EML6: variants seen among roughly 807,000 people sequenced by gnomAD.
EML6 encodes EMAP like 6.
EML6 carries 154 observed loss-of-function variants against 240.1 expected under a neutral mutation model. The ratio of observed to expected loss-of-function variants is 0.64; its 90% CI spans 0.56 to 0.73. The LOEUF (loss-of-function observed/expected upper bound fraction) is 0.73, where lower values mean the gene tolerates loss of function less well. Among genes scored for constraint, EML6 ranks in the 30% least tolerant of loss-of-function variants. EML6 has a pLI of 0.00. For missense variants in EML6, 2,964 were observed against 2,474.6 expected (o/e 1.20, Z -4.20); for synonymous variants, 1,148 against 899.0 (o/e 1.28, Z -4.95).
At chr2:54,787,302 G>T (rs918789551) in intron 2 of EML6, among the ~76,000 whole-genome samples, 2 of 152,068 alleles carry the variant, frequency 1.3e-5, no homozygotes, top group Non-Finnish European at 2.9e-5. Context: ...GGTTGGGGGG[G>T]GGTCTTTGTG....
Position 54,823,868 on chromosome 2 carries a change from C to CTCTCTCTCTCTCTCTCTCTCTCTT in EML6, c.525+3415_525+3416insCTCTCTCTCTCTCTTTCTCTCTCT, listed in dbSNP as rs1376831009. Among the ~76,000 whole-genome samples, 1,337 of 148,182 alleles carry CTCTCTCTCTCTCTCTCTCTCTCTT rather than the reference C, an allele frequency of 9.0e-3. 39 individuals carry two copies. The highest frequency in any genetic ancestry group is 0.032 in the African/African-American group (1,236 of 38,680). On this transcript the variant is annotated intron_variant, in intron 5 of 41. Coordinates refer to ENST00000356458, the MANE Select transcript of EML6 (RefSeq NM_001039753.4). The stretch of plus-strand genomic sequence containing the variant: ...TCATTCATTCTCTCTCTCTCTCTCT[C>CTCTCTCTCTCTCTCTCTCTCTCTT]TCTCTCTCTTTCTGTCTCTCTCTCT...
chr2:54,800,936 A>G (rs1201116169), intron 2 of EML6, among the ~76,000 whole-genome samples: 1 of 152,162 alleles, frequency 6.6e-6, no homozygotes, highest in Admixed American at 6.5e-5. Flanking sequence ...CAATTTCATT[A>G]GGGGTCAAGG....
At chr2:54,901,669 C>A (rs1275395225) in intron 22 of EML6, among the ~76,000 whole-genome samples, 1 of 152,208 alleles carries the variant, frequency 6.6e-6, no homozygotes, top group African/African-American at 2.4e-5. Flanking sequence ...CAAGGGCAGG[C>A]TTGTATTTTC....
intron 2 of EML6, among the ~76,000 whole-genome samples, chr2:54,796,904 G>T (rs1669813287): frequency 6.6e-6 from 1 of 151,858 alleles, no homozygotes; most frequent in African/African-American, 2.4e-5. Flanking sequence ...CTTTAAAAAG[G>T]TAAGCTCTGC....
chr2:54,855,814 C>T (rs1670344953), intron 11 of EML6, among the ~76,000 whole-genome samples: 1 of 152,096 alleles, frequency 6.6e-6, no homozygotes. Context: ...GCCAAAACTA[C>T]TGGTGGGGAA....
intron 26 of EML6, among the ~76,000 whole-genome samples, chr2:54,927,987 T>G (rs1674646805): frequency 6.6e-6 from 1 of 152,214 alleles, no homozygotes; most frequent in South Asian, 2.1e-4. Context: ...GAGTTTACAC[T>G]AGAGACCTGT....
chr2:54,940,647 T>C (rs1296248304), intron 28 of EML6, among the ~76,000 whole-genome samples: 1 of 152,220 alleles, frequency 6.6e-6, no homozygotes, highest in African/African-American at 2.4e-5. Context: ...TAATCTGTCT[T>C]CAAGATGCTG....
Position 54,825,189 on chromosome 2 carries a change from T to C in EML6, c.526-2377T>C, listed in dbSNP as rs1266585634. The stretch of plus-strand genomic sequence containing the variant: ...CCAAAGTTAAAGGACAAAATAATTA[T>C]TTTAATCTTCATGCATGAGGAGGTG... On this transcript the variant is annotated intron_variant, in intron 5 of 41. Coordinates refer to ENST00000356458, the MANE Select transcript of EML6 (RefSeq NM_001039753.4). 2.0e-5 allele frequency among the ~76,000 whole-genome samples: 3 copies of C among 152,206 alleles called. No homozygotes were observed. The East Asian group carries it at 5.8e-4, about 29-fold the overall frequency.
chr2:54,883,963 G>A (rs746441784), intron 17 of EML6, among the ~76,000 whole-genome samples: 1 of 152,134 alleles, frequency 6.6e-6, no homozygotes, highest in Admixed American at 6.6e-5. Flanking sequence ...TGCTTTTTCC[G>A]TTTTCTCACT....
chr2:54,853,193 G>A (rs937705884), intron 10 of EML6, among the ~76,000 whole-genome samples: 1 of 152,062 alleles, frequency 6.6e-6, no homozygotes, highest in Non-Finnish European at 1.5e-5. Context: ...CTGGCAAAGC[G>A]TTGGTGACTA....
At chr2:54,755,664 T>A (rs1366829160) in intron 2 of EML6, among the ~76,000 whole-genome samples, 1 of 152,138 alleles carries the variant, frequency 6.6e-6, no homozygotes, top group Non-Finnish European at 1.5e-5. Context: ...AGAAATATAA[T>A]TTTTTAGTTT....
At position 54,850,206 on chromosome 2, in the gene EML6, T is replaced by C; in HGVS notation, c.1432T>C (p.Tyr478His). Reference sequence around the variant, plus strand: ...TGACGGTGCAGGAGAACGATTGTTCTACAGAATGCCATGTAAGTCATGTGG... The same window carrying C: ...TGACGGTGCAGGAGAACGATTGTTCCACAGAATGCCATGTAAGTCATGTGG... Reference protein sequence around the residue: ...TNDGAGERLFYRMPSGKPLTS... With the variant: ...TNDGAGERLFHRMPSGKPLTS... The change falls in exon 10 of 42, where the codon TAC becomes CAC. Residue 478 changes from tyrosine to histidine, a missense_variant. Coordinates refer to ENST00000356458, the MANE Select transcript of EML6 (RefSeq NM_001039753.4). 6.4e-7 allele frequency: 1 copy of C among 1,551,348 alleles called. No homozygotes were observed. Among genetic ancestry groups the C allele is most frequent in the East Asian group, 2.4e-5 (1 of 40,898 alleles).
At chr2:54,811,090 T>C (rs1446134280) in intron 2 of EML6, among the ~76,000 whole-genome samples, 2 of 152,102 alleles carry the variant, frequency 1.3e-5, no homozygotes, top group Non-Finnish European at 2.9e-5. Context: ...TCTTGACTCT[T>C]CTTTATCCCC....
chr2:54,760,274 G>A (rs994969282), intron 2 of EML6, among the ~76,000 whole-genome samples: 3 of 150,146 alleles, frequency 2.0e-5, no homozygotes, highest in Non-Finnish European at 4.4e-5. Context: ...CTCCCTCCAT[G>A]CTCCCCAGAT....
rs1045203866 is a variant in EML6, at chr2:54,949,068, C to A, written c.4083+108C>A. 3.2e-5 allele frequency: 26 copies of A among 816,058 alleles called. No individual in the cohort carries two copies. The African/African-American group carries it at 3.4e-4, about 11-fold the overall frequency. 50.6% of individuals were successfully genotyped at this position (816,058 alleles called of 1,614,324 possible). A position where few individuals can be genotyped will look rare whatever the true frequency, so the allele number is the denominator to read the frequency against. On this transcript the variant is annotated intron_variant, in intron 29 of 41. Transcript: ENST00000356458. ...CACAGTCAAATGAAACGGAGTAGGTCCCTTGGGCTCTCTTTTGTCCCCTCT... is the reference window on the plus strand; with the variant it reads ...CACAGTCAAATGAAACGGAGTAGGTACCTTGGGCTCTCTTTTGTCCCCTCT...
chr2:54,929,749 G>A (rs1423791509), intron 28 of EML6, among the ~76,000 whole-genome samples: 2 of 151,886 alleles, frequency 1.3e-5, no homozygotes, highest in Admixed American at 6.6e-5. Flanking sequence ...AGTGCCAGAT[G>A]TTAAAATAAA....
intron 7 of EML6, among the ~76,000 whole-genome samples, chr2:54,835,859 C>G (rs1320884761): frequency 6.6e-6 from 1 of 152,118 alleles, no homozygotes; most frequent in Non-Finnish European, 1.5e-5. Flanking sequence ...TTACCCAGCC[C>G]CAAATGTTGA....
At chr2:54,882,871 A>AAAAAAAAAAAAAAAAAAAAGAAAAG (rs962733331) in intron 17 of EML6, 1 of 128,790 alleles carries the variant, frequency 7.8e-6, no homozygotes, top group African/African-American at 3.0e-5. Flanking sequence ...AAAAAAAAAA[A>AAAAAAAAAAAAAAAAAAAAGAAAAG]AAAGAAAGCT....
chr2:54,738,280 C>G (rs138499609), intron 2 of EML6, among the ~76,000 whole-genome samples: 1 of 152,262 alleles, frequency 6.6e-6, no homozygotes, highest in Non-Finnish European at 1.5e-5. Flanking sequence ...AAGACTTGTG[C>G]ATGACTTTTA....
Sources: gnomAD v4.1 joint callset for allele counts (sites outside exome capture counted in the v4.1 genomes callset) on GRCh38, gnomAD v4.1.1 for gene constraint, MANE v1.5 for transcripts, NCBI Gene and HGNC (gene_info 2026-07-23, HGNC 2026-07-21) for gene names.